The following DOCK4 variants were observed in gnomAD, a reference collection of about 807,000 sequenced individuals.
DOCK4 encodes dedicator of cytokinesis protein 4.
A neutral mutation model predicts 268.1 loss-of-function variants in DOCK4; 97 were observed. The observed-to-expected ratio is 0.36, with a 90% confidence interval of 0.31 to 0.43. DOCK4 has a LOEUF of 0.43. Ranked by LOEUF, DOCK4 falls within the 20% of genes least tolerant of loss-of-function variation. The probability of loss-of-function intolerance (pLI) is 1.00; values close to 1 mark genes in which losing one functional copy is unlikely to be tolerated. For synonymous variants in DOCK4, 954 were observed against 887.2 expected, an observed-to-expected ratio of 1.08 and a Z score of -1.34; for missense variants, 2,145 against 2,455.7, an observed-to-expected ratio of 0.87 and a Z score of 2.67.
intron 1 of DOCK4, among the ~76,000 whole-genome samples, chr7:112,122,859 C>G (rs892132014): frequency 3.3e-5 from 5 of 152,106 alleles, no homozygotes; most frequent in Non-Finnish European, 7.4e-5. Context: ...TACACTGAAG[C>G]CCATATTTCC....
chr7:112,148,838 T>C (rs1056471481), intron 1 of DOCK4, among the ~76,000 whole-genome samples: 1 of 152,118 alleles, frequency 6.6e-6, no homozygotes, highest in East Asian at 1.9e-4. Context: ...TCAATTCAAA[T>C]TGAATGTCAA....
chr7:111,744,098 A>AG (rs1479942791), intron 44 of DOCK4, among the ~76,000 whole-genome samples: 1 of 152,216 alleles, frequency 6.6e-6, no homozygotes, highest in Non-Finnish European at 1.5e-5. Context: ...TGGTCTGTCA[A>AG]AGTTGTCCTG....
chr7:112,075,639 C>T (rs1049904321), intron 1 of DOCK4, among the ~76,000 whole-genome samples: 16 of 152,228 alleles, frequency 1.1e-4, no homozygotes, highest in South Asian at 2.1e-4. Flanking sequence ...AAAACTGATA[C>T]GACAACATTA....
At chr7:112,163,052 C>G (rs1370387484) in intron 1 of DOCK4, among the ~76,000 whole-genome samples, 1 of 152,162 alleles carries the variant, frequency 6.6e-6, no homozygotes, top group Non-Finnish European at 1.5e-5. Context: ...TATCCTACAA[C>G]AACTTTTAGG....
rs2189283 is a variant in DOCK4 at position 112,117,590 on chromosome 7, C to T, written c.37+88512G>A. Among the ~76,000 whole-genome samples the T allele has an allele frequency of 6.7e-3, 1,022 of 152,256 alleles. 14 individuals are homozygous for T. Among genetic ancestry groups the T allele is most frequent in the African/African-American group, 0.023 (967 of 41,552 alleles). ...TTCACCATGTTGGCCAGGCTGGTCT[C>T]GAACTCCTGACCTCAGGTGATCCAC... On this transcript the variant is annotated intron_variant, in intron 1 of 52. Transcript: ENST00000428084.
intron 31 of DOCK4, chr7:111,789,022 T>A: frequency 2.2e-6 from 1 of 464,172 alleles, no homozygotes; most frequent in East Asian, 3.6e-5. Context: ...TGCAGCCCAG[T>A]TTAAACGTTT....
At position 111,728,435 on chromosome 7, in the gene DOCK4, CG is replaced by C; in HGVS notation, c.5766del (p.Val1923SerfsTer80). The stretch of plus-strand genomic sequence containing the variant: ...ATGGAGAGGCTGTGAGGTAGCGGGA[CG>C]GGGCGCCGCAGAGTCCGCTCGTAGA... ...YSVYERTLRR[P>X]VPLPHSLSIP... On this transcript the variant is annotated frameshift_variant, in exon 53 of 53. Transcript: ENST00000428084. LOFTEE classifies it high-confidence loss of function. The C allele has an allele frequency of 6.3e-7, 1 of 1,591,540 alleles. No individual in the cohort carries two copies. The highest frequency in any genetic ancestry group is 8.6e-7 in the Non-Finnish European group (1 of 1,167,520).
At chr7:111,809,601 C>A (rs560742633) in intron 28 of DOCK4, among the ~76,000 whole-genome samples, 200 bp from the exon 29 acceptor site, 135 of 152,218 alleles carry the variant, frequency 8.9e-4, no homozygotes, top group Non-Finnish European at 1.7e-3. Context: ...TGTACATATG[C>A]TTAAAATTTT....
At chr7:111,848,294 G>C (rs1804272966) in intron 23 of DOCK4, among the ~76,000 whole-genome samples, 1 of 151,858 alleles carries the variant, frequency 6.6e-6, no homozygotes, top group South Asian at 2.1e-4. Flanking sequence ...TTATTTCCAA[G>C]AGCTTTCTCC....
intron 1 of DOCK4, among the ~76,000 whole-genome samples, chr7:112,107,876 G>A (rs185002690): frequency 6.6e-6 from 1 of 152,332 alleles, no homozygotes; most frequent in East Asian, 1.9e-4. Context: ...GGAAGACAGG[G>A]CCTAGTAAAG....
intron 1 of DOCK4, among the ~76,000 whole-genome samples, chr7:112,133,555 C>T (rs1250075053): frequency 1.3e-5 from 2 of 151,904 alleles, no homozygotes; most frequent in Non-Finnish European, 2.9e-5. Flanking sequence ...GACATGGTGA[C>T]ACCCGTCTCT....
chr7:111,767,704 C>T (rs1440021351), intron 37 of DOCK4, among the ~76,000 whole-genome samples: 1 of 152,108 alleles, frequency 6.6e-6, no homozygotes, highest in Non-Finnish European at 1.5e-5. Context: ...GAAATGACTA[C>T]AGTTCCACAA....
At chr7:112,134,413 ATAACTC>A (rs531399799) in intron 1 of DOCK4, among the ~76,000 whole-genome samples, 177 of 152,354 alleles carry the variant, frequency 1.2e-3, no homozygotes, top group African/African-American at 4.0e-3. Context: ...ATGTCTTTAA[ATAACTC>A]TAAAAGTGTA....
At chr7:112,172,100 T>C (rs1818135683) in intron 1 of DOCK4, among the ~76,000 whole-genome samples, 1 of 152,232 alleles carries the variant, frequency 6.6e-6, no homozygotes, top group Non-Finnish European at 1.5e-5. Context: ...CATTCCGAAG[T>C]GCTTGGTTAG....
At chr7:112,088,885 GATTA>G (rs567558962) in intron 1 of DOCK4, among the ~76,000 whole-genome samples, 2 of 152,066 alleles carry the variant, frequency 1.3e-5, no homozygotes, top group Middle Eastern at 3.2e-3. Flanking sequence ...TGACTGAAAG[GATTA>G]ATTAAGTAAT....
chr7:111,790,545 A>G lies in DOCK4; in HGVS notation c.3227T>C (p.Ile1076Thr). 6.2e-7 allele frequency: 1 copy of G among 1,613,954 alleles called. No individual in the cohort carries two copies. The highest frequency in any genetic ancestry group is 8.5e-7 in the Non-Finnish European group (1 of 1,179,856). The change falls in exon 31 of 53, where the codon ATA (isoleucine) becomes ACA (threonine). Residue 1076 changes from isoleucine to threonine, a missense_variant. By Grantham distance (89) the Ile-to-Thr change is moderately conservative (BLOSUM62 -1). Coordinates refer to ENST00000428084, the MANE Select transcript of DOCK4 (RefSeq NM_001363540.2). ...GACATTCCGAAGATCTGGCTGGGGT[A>G]TCAAGGTCACTTCTAGGAAGGGGCC... ...LIGPFLEVTL[I>T]PQPDLRNVMI...
chr7:112,196,045 C>T (rs769666741), intron 1 of DOCK4, among the ~76,000 whole-genome samples: 6 of 152,160 alleles, frequency 3.9e-5, no homozygotes, highest in Non-Finnish European at 7.3e-5. Flanking sequence ...GCCATGTTTT[C>T]GTTCATTGCT....
intron 16 of DOCK4, among the ~76,000 whole-genome samples, chr7:111,891,357 T>C (rs1808274443): frequency 6.6e-6 from 1 of 152,232 alleles, no homozygotes; most frequent in Non-Finnish European, 1.5e-5. Flanking sequence ...AATGGTATTA[T>C]ACTAAATATA....
chr7:112,152,873 C>T (rs886661222), intron 1 of DOCK4, among the ~76,000 whole-genome samples: 3 of 151,940 alleles, frequency 2.0e-5, no homozygotes, highest in African/African-American at 4.8e-5. Context: ...GAAAAAAAAC[C>T]GAACATTTCT....
Sources: gnomAD v4.1 joint callset for allele counts (sites outside exome capture counted in the v4.1 genomes callset) on GRCh38, gnomAD v4.1.1 for gene constraint, MANE v1.5 for transcripts, NCBI Gene and HGNC (gene_info 2026-07-23, HGNC 2026-07-21) for gene names.